AGBL4: variants seen among roughly 807,000 people sequenced by gnomAD.
The protein encoded by AGBL4 is AGBL carboxypeptidase 4, also known as cytosolic carboxypeptidase 6.
A neutral mutation model predicts 66.4 loss-of-function variants in AGBL4; 58 were observed. That is an observed-to-expected ratio of 0.87 (90% confidence interval 0.71 to 1.09). The LOEUF is 1.09. Ranked by LOEUF, AGBL4 falls within the 50% of genes least tolerant of loss-of-function variation. AGBL4 has a pLI of 0.00. For synonymous variants in AGBL4, 234 were observed against 222.9 expected, an observed-to-expected ratio of 1.05 and a Z score of -0.44; for missense variants, 579 against 631.0, an observed-to-expected ratio of 0.92 and a Z score of 0.88.
intron 6 of AGBL4, among the ~76,000 whole-genome samples, chr1:48,856,493 G>C (rs2148814490): frequency 6.6e-6 from 1 of 152,244 alleles, no homozygotes; most frequent in Middle Eastern, 3.4e-3. Flanking sequence ...CCCCTCGGCT[G>C]TTAGACCACT....
chr1:49,148,944 G>C (rs934207106), intron 4 of AGBL4, among the ~76,000 whole-genome samples: 2 of 152,160 alleles, frequency 1.3e-5, no homozygotes, highest in Non-Finnish European at 2.9e-5. Flanking sequence ...CACCAGAATG[G>C]TGCCAACATA....
chr1:49,556,962 G>C (rs944549540), intron 3 of AGBL4, among the ~76,000 whole-genome samples: 1 of 152,138 alleles, frequency 6.6e-6, no homozygotes, highest in Non-Finnish European at 1.5e-5. Flanking sequence ...GCCCCTCACT[G>C]CCTGGGGCCG....
intron 2 of AGBL4, among the ~76,000 whole-genome samples, chr1:49,734,180 G>T (rs1469006573): frequency 6.6e-6 from 1 of 151,838 alleles, no homozygotes; most frequent in Non-Finnish European, 1.5e-5. Flanking sequence ...ACATTAAGGG[G>T]AAAAAAATAA....
intron 4 of AGBL4, among the ~76,000 whole-genome samples, chr1:49,087,291 T>A (rs1644926114): frequency 1.3e-5 from 2 of 152,132 alleles, no homozygotes; most frequent in Admixed American, 1.3e-4. Flanking sequence ...GGAATGAAGA[T>A]CATCAACATT....
In AGBL4 at chr1:49,917,787, C is replaced by T. The variant is rs1051643790; in HGVS notation, c.35-66269G>A. 4.6e-5 allele frequency among the ~76,000 whole-genome samples: 7 copies of T among 152,300 alleles called. No individual in the cohort carries two copies. In the East Asian group the frequency reaches 5.8e-4, roughly 13 times the overall value. On this transcript the variant is annotated intron_variant, in intron 1 of 13. Coordinates refer to ENST00000371839, the MANE Select transcript of AGBL4 (RefSeq NM_032785.4). ...ACAAATCAACAGAATATACATTCTT[C>T]TCAGCACCACACCACACCTATTCCA...
rs1203970830 is a variant in AGBL4, at chr1:48,609,476, C to T, written c.952-18491G>A. 3.9e-5 allele frequency among the ~76,000 whole-genome samples: 6 copies of T among 152,310 alleles called. No individual in the cohort carries two copies. The East Asian group carries it at 9.7e-4, about 25-fold the overall frequency. ...TCACTCTCTTGCCAAGGCTGGAGTG[C>T]AGGGGAACCATCACAGCTCACTGCA... is the stretch of plus-strand genomic sequence containing the variant. On this transcript the variant is annotated intron_variant, in intron 9 of 13. Transcript: ENST00000371839.
At chr1:49,981,311 T>C (rs1252907199) in intron 1 of AGBL4, among the ~76,000 whole-genome samples, 1 of 152,170 alleles carries the variant, frequency 6.6e-6, no homozygotes, top group African/African-American at 2.4e-5. Flanking sequence ...AAAGACAATA[T>C]GGAATTCCAA....
intron 4 of AGBL4, among the ~76,000 whole-genome samples, chr1:49,179,291 C>T (rs1442721737): frequency 1.3e-5 from 2 of 151,920 alleles, no homozygotes; most frequent in African/African-American, 2.4e-5. Context: ...GAGAAATGTA[C>T]AGATTCAAGA....
chr1:49,501,611 T>C (rs1173742780), intron 3 of AGBL4, among the ~76,000 whole-genome samples: 1 of 152,074 alleles, frequency 6.6e-6, no homozygotes, highest in African/African-American at 2.4e-5. Context: ...GTTTCATTGA[T>C]TTATTATTTT....
chr1:48,988,735 A>G (rs74076752), intron 5 of AGBL4, among the ~76,000 whole-genome samples: 2 of 152,166 alleles, frequency 1.3e-5, no homozygotes, highest in South Asian at 4.1e-4. Context: ...AATTCAATTT[A>G]GAAGGCCTTC....
chr1:49,193,333 A>G (rs1647159163), intron 4 of AGBL4, among the ~76,000 whole-genome samples: 1 of 151,884 alleles, frequency 6.6e-6, no homozygotes, highest in East Asian at 1.9e-4. Flanking sequence ...GATTTAGACA[A>G]TGCTATAAAC....
intron 3 of AGBL4, among the ~76,000 whole-genome samples, chr1:49,344,504 T>C (rs1330823625): frequency 6.6e-6 from 1 of 152,134 alleles, no homozygotes; most frequent in Non-Finnish European, 1.5e-5. Context: ...GGAAGGTTTG[T>C]GAAAGATTAA....
chr1:48,734,415 C>A (rs1648677452), intron 6 of AGBL4, among the ~76,000 whole-genome samples: 1 of 152,218 alleles, frequency 6.6e-6, no homozygotes, highest in South Asian at 2.1e-4. Flanking sequence ...AGCAGCATCT[C>A]TCACCAAGAG....
intron 5 of AGBL4, among the ~76,000 whole-genome samples, chr1:49,004,296 G>C (rs923031177): frequency 3.9e-5 from 6 of 152,062 alleles, no homozygotes; most frequent in Non-Finnish European, 7.3e-5. Context: ...CCAAGATAGA[G>C]TCAGGAAACA....
chr1:48,556,857 C>T (rs549706901), intron 11 of AGBL4, among the ~76,000 whole-genome samples: 3 of 152,128 alleles, frequency 2.0e-5, no homozygotes, highest in South Asian at 2.1e-4. Flanking sequence ...GGCACGATCT[C>T]GGCTCACTGC....
At chr1:48,802,088 T>C (rs545236126) in intron 6 of AGBL4, among the ~76,000 whole-genome samples, 1 of 152,280 alleles carries the variant, frequency 6.6e-6, no homozygotes, top group Non-Finnish European at 1.5e-5. Context: ...ATAGAAAGTT[T>C]CAGGATGGAG....
At chr1:49,926,546 T>C (rs2148252698) in intron 1 of AGBL4, among the ~76,000 whole-genome samples, 1 of 152,198 alleles carries the variant, frequency 6.6e-6, no homozygotes, top group South Asian at 2.1e-4. Context: ...CAAATGAAAG[T>C]GAACTACATA....
chr1:49,428,715 C>A (rs1211274024), intron 3 of AGBL4, among the ~76,000 whole-genome samples: 1 of 152,178 alleles, frequency 6.6e-6, no homozygotes, highest in Non-Finnish European at 1.5e-5. Flanking sequence ...TTGAGTTTCC[C>A]CAGAATAAGC....
intron 2 of AGBL4, among the ~76,000 whole-genome samples, chr1:49,715,429 C>T (rs1043448535): frequency 3.9e-5 from 6 of 152,086 alleles, no homozygotes; most frequent in East Asian, 1.9e-4. Flanking sequence ...TAAACATAAA[C>T]GTGCATGTGT....
Sources: gnomAD v4.1 joint callset for allele counts (sites outside exome capture counted in the v4.1 genomes callset) on GRCh38, gnomAD v4.1.1 for gene constraint, MANE v1.5 for transcripts, NCBI Gene and HGNC (gene_info 2026-07-23, HGNC 2026-07-21) for gene names.